The following ADAMTS14 variants were observed in gnomAD, a reference collection of about 807,000 sequenced individuals.
ADAMTS14 encodes the protein ADAM metallopeptidase with thrombospondin type 1 motif 14, also known as A disintegrin and metalloproteinase with thrombospondin motifs 14.
In ADAMTS14, 100 loss-of-function variants were observed where a neutral mutation model predicts 128.6. The ratio of observed to expected loss-of-function variants is 0.78; its 90% CI spans 0.66 to 0.92. ADAMTS14 has a LOEUF of 0.92. Among genes scored for constraint, ADAMTS14 ranks in the 40% least tolerant of loss-of-function variants. ADAMTS14 has a pLI of 0.00. For missense variants in ADAMTS14, 1,562 were observed against 1,658.6 expected (o/e 0.94, Z 1.01); for synonymous variants, 665 against 653.8 (o/e 1.02, Z -0.26).
In ADAMTS14 at chr10:70,730,258, G is replaced by T; in HGVS notation, c.1102+9G>T. 1 of 1,612,230 alleles carries T rather than the reference G, an allele frequency of 6.2e-7. No homozygotes were observed. The highest frequency in any genetic ancestry group is 8.5e-7 in the Non-Finnish European group (1 of 1,178,626). The stretch of plus-strand genomic sequence containing the variant: ...GGACTTTGGGCCCTCAGGTATGCAA[G>T]GTACTGTATTTGCCATGGCCAGGTG... On this transcript the variant is annotated intron_variant, in intron 6 of 21. Transcript: ENST00000373207.
At position 70,740,384 on chromosome 10, in the gene ADAMTS14, TC is replaced by T. The variant is rs1156463405; in HGVS notation, c.1749-602del. Among the ~76,000 whole-genome samples the T allele has an allele frequency of 3.3e-5, 5 of 152,342 alleles. No homozygotes were observed. In the East Asian group the frequency reaches 7.7e-4, roughly 24 times the overall value. On this transcript the variant is annotated intron_variant, in intron 11 of 21. Coordinates refer to ENST00000373207, the MANE Select transcript of ADAMTS14 (RefSeq NM_080722.4). ...ACTATAAAATACCTTTTCTTACTAT[TC>T]TTCACAGACACACCAGGAGGTGAGT...
Position 70,672,966 on chromosome 10 carries a change from C to G in ADAMTS14, c.82+82C>G, listed in dbSNP as rs1260027858. ...GTGGCCCAAGGTTGCCCCAGCCACC[C>G]GGGCAGGGTTCCCGCGGGTGGGAGG... is the stretch of plus-strand genomic sequence containing the variant. On this transcript the variant is annotated intron_variant, in intron 1 of 21. Coordinates refer to ENST00000373207, the MANE Select transcript of ADAMTS14 (RefSeq NM_080722.4). 2.9e-6 allele frequency: 4 copies of G among 1,357,532 alleles called. 1 individual carries two copies. The highest frequency in any genetic ancestry group is 3.8e-6 in the Non-Finnish European group (4 of 1,061,452). 84.1% of individuals were successfully genotyped at this position (1,357,532 alleles called of 1,614,324 possible).
rs375416194 is a variant in ADAMTS14, at chr10:70,729,409, G to A, written c.954+32G>A. On this transcript the variant is annotated intron_variant, in intron 5 of 21. Transcript: ENST00000373207. ...CACCTTGTCAGCAGGCAGGGTTTGC[G>A]GGGAGAAGGGTTGTGGGGCCAGAGT... The A allele has an allele frequency of 8.3e-5, 131 of 1,575,154 alleles. No homozygotes were observed. In the East Asian group the frequency reaches 1.3e-3, roughly 16 times the overall value.
chr10:70,676,168 GC>G (rs1181144175), intron 2 of ADAMTS14, among the ~76,000 whole-genome samples: 1 of 148,128 alleles, frequency 6.8e-6, no homozygotes, highest in Admixed American at 6.7e-5. Flanking sequence ...TCACTATGTT[GC>G]CCAGGCTGGA....
In ADAMTS14 at chr10:70,751,576, C is replaced by T; in HGVS notation, c.2526C>T (p.Leu842=). The T allele has an allele frequency of 1.9e-6, 3 of 1,613,900 alleles. No homozygotes were observed. The highest frequency in any genetic ancestry group is 2.5e-6 in the Non-Finnish European group (3 of 1,179,810). Residue 842 remains leucine, a synonymous_variant, in exon 17 of 22, where the codon CTC becomes CTT. Transcript: ENST00000373207. ...CCCTTATCGGGAGCAACAATGTGCT[C>T]CTGGAGGAGATGGACACCTATGAGT... The part of the protein sequence containing the change: ...LLPLIGSNNV[L]LEEMDTYEWA...
At position 70,672,669 on chromosome 10, in the gene ADAMTS14, G is replaced by T. The variant is rs1304629143; in HGVS notation, c.-134G>T. On this transcript the variant is annotated 5_prime_UTR_variant, in exon 1 of 22. Coordinates refer to ENST00000373207, the MANE Select transcript of ADAMTS14 (RefSeq NM_080722.4). ...GCAGGCGGGAGGGAAGCAGCTAGGCGGGGAGGCGGCTGAGGCGGCAGCGGC... is the reference window on the plus strand; with the variant it reads ...GCAGGCGGGAGGGAAGCAGCTAGGCTGGGAGGCGGCTGAGGCGGCAGCGGC... 6.5e-6 allele frequency: 8 copies of T among 1,223,638 alleles called. No homozygotes were observed. Among genetic ancestry groups the T allele is most frequent in the Non-Finnish European group, 7.3e-6 (7 of 963,036 alleles). The allele number at this position is 1,223,638 out of a possible 1,614,324, so 75.8% of individuals were successfully genotyped here.
At chr10:70,724,600 C>T (rs921376392) in intron 4 of ADAMTS14, among the ~76,000 whole-genome samples, 2 of 152,190 alleles carry the variant, frequency 1.3e-5, no homozygotes, top group African/African-American at 4.8e-5. Context: ...GCAGTTCTAC[C>T]AGACATGGCA....
intron 19 of ADAMTS14, among the ~76,000 whole-genome samples, chr10:70,755,148 AT>A (rs1429271966): frequency 1.4e-4 from 21 of 152,102 alleles, no homozygotes; most frequent in Admixed American, 1.2e-3. Context: ...TCTACAAAAA[AT>A]GTAAAAAGTT....
intron 14 of ADAMTS14, 55 bp downstream of exon 14, chr10:70,744,244 C>T: frequency 3.4e-6 from 5 of 1,466,232 alleles, no homozygotes; most frequent in Non-Finnish European, 4.5e-6. Flanking sequence ...TTCTTGCCGT[C>T]CCTCAGGGGG....
rs777006942 is a variant in ADAMTS14 at position 70,729,383 on chromosome 10, C to A, written c.954+6C>A. On this transcript the variant is annotated splice_donor_region_variant and intron_variant, in intron 5 of 21. Coordinates refer to ENST00000373207, the MANE Select transcript of ADAMTS14 (RefSeq NM_080722.4). The stretch of plus-strand genomic sequence containing the variant: ...TCATGGTTGGCTACCGACAGGTAAA[C>A]CACCTTGTCAGCAGGCAGGGTTTGC... 3 of 1,612,470 alleles carry A rather than the reference C, an allele frequency of 1.9e-6. No individual in the cohort carries two copies. The highest frequency in any genetic ancestry group is 2.7e-5 in the African/African-American group (2 of 74,844).
intron 4 of ADAMTS14, among the ~76,000 whole-genome samples, chr10:70,722,030 C>T (rs2132648945): frequency 6.6e-6 from 1 of 152,294 alleles, no homozygotes; most frequent in South Asian, 2.1e-4. Flanking sequence ...TAGTTTGTTA[C>T]CTGAAATGAC....
In ADAMTS14 at chr10:70,738,938, C is replaced by A. The variant is rs199765284; in HGVS notation, c.1696C>A (p.Arg566=). The A allele has an allele frequency of 8.7e-6, 14 of 1,613,230 alleles. No homozygotes were observed. The African/African-American group carries it at 1.7e-4, about 20-fold the overall frequency. ...CTGGACCAAGTTTGGGTCATGTTCGCGGTCATGTGGGGGCGGGGTGCGATC... is the reference window on the plus strand; with the variant it reads ...CTGGACCAAGTTTGGGTCATGTTCGAGGTCATGTGGGGGCGGGGTGCGATC... ...SSWTKFGSCS[R]SCGGGVRSRS... is the part of the protein sequence containing the mutation. Residue 566 remains arginine (R), a synonymous_variant, in exon 11 of 22, where the codon CGG becomes AGG. Coordinates refer to ENST00000373207, the MANE Select transcript of ADAMTS14 (RefSeq NM_080722.4).
At chr10:70,736,289 G>A (rs1307502048) in intron 9 of ADAMTS14, among the ~76,000 whole-genome samples, 1 of 152,132 alleles carries the variant, frequency 6.6e-6, no homozygotes, top group Admixed American at 6.5e-5. Context: ...GGTCTGGGCT[G>A]GAAAGCAGCA....
chr10:70,694,029 G>T (rs1840263624), intron 2 of ADAMTS14, among the ~76,000 whole-genome samples: 1 of 152,252 alleles, frequency 6.6e-6, no homozygotes, highest in African/African-American at 2.4e-5. Flanking sequence ...CTGCAGCTCG[G>T]TCTGAATCAG....
chr10:70,752,319 T>G, intron 18 of ADAMTS14, 92 bp downstream of exon 18: 12 of 1,526,392 alleles, frequency 7.9e-6, no homozygotes, highest in Non-Finnish European at 1.1e-5. Flanking sequence ...CCCTCAGCAC[T>G]GGGTTATGGA....
Position 70,729,351 on chromosome 10 carries a change from C to T in ADAMTS14, c.928C>T (p.Arg310Cys), listed in dbSNP as rs756083617. ...LGVHINIALV[R>C]LIMVGYRQSL... is the part of the protein sequence containing the mutation. ...GGTTCATATAAATATTGCCCTCGTC[C>T]GCTTGATCATGGTTGGCTACCGACA... The change falls in exon 5 of 22, where the codon CGC becomes TGC. Residue 310 changes from arginine (R) to cysteine (C), a missense_variant. Physicochemically the swap from Arg to Cys is radical, Grantham distance 180. Transcript: ENST00000373207. 2.8e-5 allele frequency: 45 copies of T among 1,613,718 alleles called. No homozygotes were observed. Among genetic ancestry groups the T allele is most frequent in the Non-Finnish European group, 3.1e-5 (36 of 1,179,954 alleles).
At chr10:70,685,619 T>C (rs1477069) in intron 2 of ADAMTS14, among the ~76,000 whole-genome samples, 17,198 of 152,058 alleles carry the variant, frequency 0.11, 1,806 homozygotes, top group East Asian at 0.56. Context: ...GTGTCAGGTG[T>C]CAGGGCACGC....
intron 2 of ADAMTS14, among the ~76,000 whole-genome samples, chr10:70,699,847 C>G (rs534438493): frequency 1.3e-5 from 2 of 152,042 alleles, no homozygotes; most frequent in African/African-American, 4.8e-5. Flanking sequence ...CTGGAGAGTT[C>G]GCCCTCTGCT....
At position 70,729,993 on chromosome 10, in the gene ADAMTS14, C is replaced by T. The variant is rs955117632; in HGVS notation, c.955-109C>T. The T allele has an allele frequency of 5.2e-6, 7 of 1,342,436 alleles. No individual in the cohort carries two copies. In the African/African-American group the frequency reaches 1.0e-4, roughly 20 times the overall value. The allele number at this position is 1,342,436 out of a possible 1,614,324, so 83.2% of individuals were successfully genotyped here. ...GCTGGTGATCTTGGGGTGGGTCCTG[C>T]AGTCCTCTGGGCCTTAGCGTTCCCA... On this transcript the variant is annotated intron_variant, in intron 5 of 21. Coordinates refer to ENST00000373207, the MANE Select transcript of ADAMTS14 (RefSeq NM_080722.4).
Sources: allele counts gnomAD v4.1 joint callset (sites outside exome capture counted in the v4.1 genomes callset), GRCh38; gene constraint gnomAD v4.1.1; transcripts MANE v1.5; gene names NCBI Gene and HGNC (gene_info 2026-07-23, HGNC 2026-07-21).